TAPT1: variants seen among roughly 807,000 people sequenced by gnomAD.
The protein encoded by TAPT1 is transmembrane anterior posterior transformation 1.
TAPT1 carries 28 observed loss-of-function variants against 65.6 expected under a neutral mutation model. The observed-to-expected ratio is 0.43, with a 90% CI of 0.32 to 0.59. TAPT1 has a LOEUF of 0.59. Among genes scored for constraint, TAPT1 ranks in the 20% least tolerant of loss-of-function variants. The probability of loss-of-function intolerance (pLI) is 0.09; values close to 1 mark genes in which losing one functional copy is unlikely to be tolerated. For missense variants in TAPT1, 563 were observed against 679.9 expected (o/e 0.83, Z 1.91); for synonymous variants, 278 against 245.2 (o/e 1.13, Z -1.25).
At chr4:16,174,943 T>C (rs1387445624) in intron 9 of TAPT1, 1 of 384,088 alleles carries the variant, frequency 2.6e-6, no homozygotes, top group Non-Finnish European at 4.6e-6. Flanking sequence ...ATAGATCTTC[T>C]AAAGGTTTTT....
intron 13 of TAPT1, among the ~76,000 whole-genome samples, chr4:16,164,815 T>A (rs1747480058): frequency 6.6e-6 from 1 of 152,172 alleles, no homozygotes; most frequent in African/African-American, 2.4e-5. Context: ...AAAAATGCAA[T>A]CCTTATTACT....
intron 8 of TAPT1, among the ~76,000 whole-genome samples, chr4:16,178,628 G>A (rs557556793): frequency 3.7e-4 from 57 of 152,196 alleles, no homozygotes; most frequent in Admixed American, 1.4e-3. Flanking sequence ...TACAAATGTC[G>A]TAGTATTTTT....
chr4:16,223,888 TC>T (rs1249068744), intron 1 of TAPT1, among the ~76,000 whole-genome samples: 2 of 152,118 alleles, frequency 1.3e-5, no homozygotes, highest in East Asian at 3.8e-4. Flanking sequence ...TTGGGACTGA[TC>T]AACAAATGTC....
At chr4:16,166,488 G>T in intron 13 of TAPT1, 145 bp downstream of exon 13, 1 of 946,060 alleles carries the variant, frequency 1.1e-6, no homozygotes, top group Non-Finnish European at 1.6e-6. Flanking sequence ...GTATATATGG[G>T]ATGAAATCTA....
At chr4:16,213,555 A>G (rs1207788362) in intron 2 of TAPT1, among the ~76,000 whole-genome samples, 1 of 152,234 alleles carries the variant, frequency 6.6e-6, no homozygotes, top group Non-Finnish European at 1.5e-5. Flanking sequence ...AGAAAAGTTC[A>G]GATTTTGATA....
At chr4:16,171,548 T>C (rs1747989059) in intron 11 of TAPT1, among the ~76,000 whole-genome samples, 1 of 152,250 alleles carries the variant, frequency 6.6e-6, no homozygotes, top group South Asian at 2.1e-4. Context: ...GTATCTTAAA[T>C]AAACATCATA....
chr4:16,183,078 G>A (rs1217021758), intron 7 of TAPT1: 1 of 152,182 alleles, frequency 6.6e-6, no homozygotes, highest in Non-Finnish European at 1.5e-5. Context: ...AGCTACTACT[G>A]AAGCATATGA....
chr4:16,165,179 C>A (rs1275751521), intron 13 of TAPT1, among the ~76,000 whole-genome samples: 1 of 152,144 alleles, frequency 6.6e-6, no homozygotes, highest in African/African-American at 2.4e-5. Context: ...CCTATTTGGA[C>A]CCCTGTAGTT....
At chr4:16,181,268 A>C (rs1748691630) in intron 7 of TAPT1, among the ~76,000 whole-genome samples, 1 of 152,210 alleles carries the variant, frequency 6.6e-6, no homozygotes, top group Admixed American at 6.5e-5. Flanking sequence ...AATTTCCATA[A>C]ATGAATTTAA....
chr4:16,162,060 A>G lies in TAPT1; in HGVS notation c.*1248T>C, dbSNP rs1747282915. The G allele has an allele frequency of 6.6e-6, 1 of 152,234 alleles. No homozygotes were observed. The highest frequency in any genetic ancestry group is 2.4e-5 in the African/African-American group (1 of 41,442). 9.4% of individuals were successfully genotyped at this position (152,234 alleles called of 1,614,324 possible). A position where few individuals can be genotyped will look rare whatever the true frequency, so the allele number is the denominator to read the frequency against. On this transcript the variant is annotated 3_prime_UTR_variant, in exon 14 of 14. Transcript: ENST00000405303. ...GACCACAAACTAGTAATTAAGCGGA[A>G]ACACAATCTTCATCTCAAATAAAAC...
At chr4:16,168,271 C>A (rs919069396) in intron 12 of TAPT1, among the ~76,000 whole-genome samples, 1 of 152,108 alleles carries the variant, frequency 6.6e-6, no homozygotes, top group Non-Finnish European at 1.5e-5. Flanking sequence ...TGCCACCACG[C>A]CCAGCTAATT....
chr4:16,183,466 T>C (rs574430833), intron 7 of TAPT1, among the ~76,000 whole-genome samples: 1 of 152,204 alleles, frequency 6.6e-6, no homozygotes, highest in East Asian at 1.9e-4. Context: ...AGCTAAGAGG[T>C]TGGAATTCTG....
At chr4:16,190,869 T>C (rs1578443554) in intron 4 of TAPT1, 2 of 155,370 alleles carry the variant, frequency 1.3e-5, no homozygotes, top group Middle Eastern at 5.2e-4. Context: ...ATTTACCCTA[T>C]GTAAAGATCT....
rs79474459 is a variant in TAPT1 at position 16,179,804 on chromosome 4, G to A, written c.917-147C>T. On this transcript the variant is annotated intron_variant, in intron 7 of 13. Transcript: ENST00000405303. ...TATACAACTTTATATATATATATAT[G>A]TGTGTGTGTGTGTGTGTGTGTGTAT... 0.031 allele frequency: 3,449 copies of A among 111,146 alleles called. 95 individuals are homozygous for A. Among genetic ancestry groups the A allele is most frequent in the African/African-American group, 0.12 (3,008 of 25,192 alleles). The allele number at this position is 111,146 out of a possible 1,614,324, so 6.9% of individuals were successfully genotyped here.
In TAPT1 at chr4:16,179,580, G is replaced by A. The variant is rs1379890300; in HGVS notation, c.994C>T (p.Pro332Ser). The A allele has an allele frequency of 6.6e-7, 1 of 1,524,896 alleles. No homozygotes were observed. Among genetic ancestry groups the A allele is most frequent in the Non-Finnish European group, 8.8e-7 (1 of 1,136,186 alleles). The allele number at this position is 1,524,896 out of a possible 1,614,324, so 94.5% of individuals were successfully genotyped here. Reference protein sequence around the residue: ...LRNMEQFSWNPDHLWVLFPDV... With the variant: ...LRNMEQFSWNSDHLWVLFPDV... ...TGTTTTGTTAAGAGTGAGTTACCTGGATTCCAAGAAAACTGTTCCATGTTT... is the reference window on the plus strand; with the variant it reads ...TGTTTTGTTAAGAGTGAGTTACCTGAATTCCAAGAAAACTGTTCCATGTTT... The change falls in exon 8 of 14, where the codon CCA becomes TCA. Residue 332 changes from proline (P) to serine (S), a missense_variant. Physicochemically the swap from Pro to Ser is moderately conservative, Grantham distance 74. Around this residue, in one of 5 missense-constraint regions of TAPT1, gnomAD observed 217 missense variants for 317.5 expected, o/e 0.68. Transcript: ENST00000405303.
At chr4:16,165,463 G>A (rs906937595) in intron 13 of TAPT1, among the ~76,000 whole-genome samples, 22 of 151,540 alleles carry the variant, frequency 1.5e-4, no homozygotes, top group African/African-American at 5.3e-4. Flanking sequence ...CCAGCTACTC[G>A]AGAGGCCGAG....
At chr4:16,175,012 A>C in intron 9 of TAPT1, 1 of 241,600 alleles carries the variant, frequency 4.1e-6, no homozygotes, top group Non-Finnish European at 7.8e-6. Flanking sequence ...ATTTGGGGAA[A>C]AGTGACTATT....
intron 3 of TAPT1, 149 bp from the exon 4 acceptor site, chr4:16,191,672 C>G (rs1749383004): frequency 2.5e-6 from 2 of 812,176 alleles, no homozygotes; most frequent in Admixed American, 2.9e-5. Context: ...GGAGGTTAAA[C>G]TAAATGACTA....
rs186063522 is a variant in TAPT1 at position 16,209,925 on chromosome 4, T to C, written c.330+3843A>G. On this transcript the variant is annotated intron_variant, in intron 2 of 13. Coordinates refer to ENST00000405303, the MANE Select transcript of TAPT1 (RefSeq NM_153365.3). ...CAAGTCAAGGTGGGGTATGGGACAG[T>C]GAGAACTCACTCACCAGGAATTTCC... Among the ~76,000 whole-genome samples the C allele has an allele frequency of 6.7e-4, 102 of 152,264 alleles. 2 individuals carry two copies. The highest frequency in any genetic ancestry group is 2.4e-3 in the African/African-American group (99 of 41,562).
Sources: allele counts gnomAD v4.1 joint callset (sites outside exome capture counted in the v4.1 genomes callset), GRCh38; gene constraint gnomAD v4.1.1; regional missense constraint gnomAD v4.1.1; transcripts MANE v1.5; gene names NCBI Gene and HGNC (gene_info 2026-07-23, HGNC 2026-07-21).